The following MMP26 variants were observed in gnomAD, a reference collection of about 807,000 sequenced individuals.
MMP26 encodes the protein matrix metallopeptidase 26, also known as matrix metalloproteinase-26.
Under a neutral mutation model 31.0 loss-of-function variants are expected in MMP26, and 33 were observed. The ratio of observed to expected loss-of-function variants is 1.06; its 90% CI spans 0.81 to 1.42. The LOEUF (loss-of-function observed/expected upper bound fraction) is 1.42. Ranked by LOEUF, MMP26 falls within the 40% of genes most tolerant of loss-of-function variation. MMP26 has a pLI of 0.00. For missense variants in MMP26, 347 were observed against 316.1 expected (o/e 1.10, Z -0.74); for synonymous variants, 122 against 114.9 (o/e 1.06, Z -0.40).
At chr11:4,883,238 T>G (rs201693127) in intron 2 of MMP26, among the ~76,000 whole-genome samples, 30 of 10,556 alleles carry the variant, frequency 2.8e-3, no homozygotes, top group Admixed American at 0.019. Flanking sequence ...AGCTGAACAA[T>G]TTTTTTTTTT....
At chr11:4,862,547 T>C (rs915719405) in intron 2 of MMP26, among the ~76,000 whole-genome samples, 14 of 152,080 alleles carry the variant, frequency 9.2e-5, no homozygotes, top group African/African-American at 3.1e-4. Flanking sequence ...AAGCTTAAAT[T>C]GGGAGTCTGT....
At chr11:4,844,638 A>G (rs756379138) in intron 2 of MMP26, among the ~76,000 whole-genome samples, 13 of 152,218 alleles carry the variant, frequency 8.5e-5, no homozygotes, top group Non-Finnish European at 1.5e-4. Flanking sequence ...GATACATTCT[A>G]TCAACAGAAT....
chr11:4,808,326 T>C (rs536642340), intron 2 of MMP26, among the ~76,000 whole-genome samples: 7 of 152,194 alleles, frequency 4.6e-5, no homozygotes, highest in African/African-American at 1.4e-4. Context: ...TTTGCTGTCC[T>C]ATCATGACAA....
chr11:4,868,490 A>G (rs1241319889), intron 2 of MMP26, among the ~76,000 whole-genome samples: 2 of 152,186 alleles, frequency 1.3e-5, no homozygotes, highest in African/African-American at 4.8e-5. Flanking sequence ...AGAATAAAAT[A>G]CCTAGGAATC....
chr11:4,866,774 A>G (rs1850240704), intron 2 of MMP26, among the ~76,000 whole-genome samples: 1 of 152,158 alleles, frequency 6.6e-6, no homozygotes, highest in Non-Finnish European at 1.5e-5. Context: ...CCCAGAAAGA[A>G]GATTACACAC....
At chr11:4,757,820 G>A (rs1449176805) in intron 1 of MMP26, among the ~76,000 whole-genome samples, 1 of 151,450 alleles carries the variant, frequency 6.6e-6, no homozygotes, top group East Asian at 1.9e-4. Flanking sequence ...AAAAGGGAAA[G>A]GAAAGGAAGG....
At chr11:4,821,555 G>T in intron 2 of MMP26, 1 of 1,612,856 alleles carries the variant, frequency 6.2e-7, no homozygotes, top group South Asian at 1.1e-5. Flanking sequence ...TCTGGAAATA[G>T]CATGATCCTG....
At chr11:4,911,679 A>G (rs1417733667) in intron 2 of MMP26, among the ~76,000 whole-genome samples, 2 of 152,004 alleles carry the variant, frequency 1.3e-5, no homozygotes, top group Non-Finnish European at 2.9e-5. Flanking sequence ...ACTCCATCAT[A>G]TTGTTCACAA....
At chr11:4,830,923 T>C (rs1008813832) in intron 2 of MMP26, among the ~76,000 whole-genome samples, 2 of 152,112 alleles carry the variant, frequency 1.3e-5, no homozygotes, top group African/African-American at 4.8e-5. Context: ...CCAGTAGCAA[T>C]TGCACTGTAA....
chr11:4,852,726 A>G (rs1849992922), intron 2 of MMP26, among the ~76,000 whole-genome samples: 1 of 152,258 alleles, frequency 6.6e-6, no homozygotes, highest in East Asian at 1.9e-4. Flanking sequence ...ATATGTATTC[A>G]ATGGAAAGAA....
intron 2 of MMP26, chr11:4,908,424 A>G: frequency 1.2e-6 from 1 of 852,448 alleles, no homozygotes; most frequent in Non-Finnish European, 1.9e-6. Flanking sequence ...GTGAAAAGCT[A>G]TGTAGTGCAG....
chr11:4,771,969 C>T (rs969223076), intron 2 of MMP26, among the ~76,000 whole-genome samples: 7 of 152,132 alleles, frequency 4.6e-5, no homozygotes, highest in African/African-American at 1.7e-4. Flanking sequence ...TCCCTTCTTA[C>T]CAGCTTTACG....
intron 2 of MMP26, among the ~76,000 whole-genome samples, chr11:4,881,004 A>C (rs1194239805): frequency 6.6e-6 from 1 of 152,110 alleles, no homozygotes; most frequent in Admixed American, 6.6e-5. Context: ...TCTGTATATG[A>C]ATGGGCAGAT....
chr11:4,911,765 CTA>C (rs1269926549), intron 2 of MMP26, among the ~76,000 whole-genome samples: 1 of 152,326 alleles, frequency 6.6e-6, no homozygotes, highest in African/African-American at 2.4e-5. Context: ...CATTACCCCA[CTA>C]TGTTTCCTTC....
intron 1 of MMP26, among the ~76,000 whole-genome samples, chr11:4,729,455 CAG>C (rs1227473307): frequency 6.7e-6 from 1 of 149,800 alleles, no homozygotes. Context: ...CTGCCCCAGA[CAG>C]AGAGGGGCAG....
In MMP26 at chr11:4,785,284, C is replaced by A. The variant is rs140103956; in HGVS notation, c.-145+17943C>A. On this transcript the variant is annotated intron_variant, in intron 2 of 7. Coordinates refer to ENST00000380390, the MANE Select transcript of MMP26 (RefSeq NM_021801.5). ...TAACAAATTAAAAAATGTATTTATCCTCTCTCTTAAGTACTCCATGTCTCA... is the reference window on the plus strand; with the variant it reads ...TAACAAATTAAAAAATGTATTTATCATCTCTCTTAAGTACTCCATGTCTCA... Among the ~76,000 whole-genome samples, 283 of 152,208 alleles carry A rather than the reference C, an allele frequency of 1.9e-3. 1 individual carries two copies. Among genetic ancestry groups the A allele is most frequent in the Non-Finnish European group, 2.9e-3 (198 of 68,006 alleles).
chr11:4,882,808 G>A (rs749722497), intron 2 of MMP26: 2 of 1,613,832 alleles, frequency 1.2e-6, no homozygotes, highest in Non-Finnish European at 1.7e-6. Flanking sequence ...CAATCCGCCA[G>A]GCTATGTTCC....
chr11:4,986,240 T>G (rs1293031249), intron 2 of MMP26, among the ~76,000 whole-genome samples: 1 of 152,206 alleles, frequency 6.6e-6, no homozygotes, highest in Non-Finnish European at 1.5e-5. Flanking sequence ...TATATTTTAA[T>G]CTATACCAAA....
intron 2 of MMP26, among the ~76,000 whole-genome samples, chr11:4,968,440 T>C (rs1295653737): frequency 6.6e-6 from 1 of 151,960 alleles, no homozygotes; most frequent in Admixed American, 6.6e-5. Context: ...ACAAGAAGAT[T>C]TCATTTAGGA....
Sources: allele counts gnomAD v4.1 joint callset (sites outside exome capture counted in the v4.1 genomes callset), GRCh38; gene constraint gnomAD v4.1.1; transcripts MANE v1.5; gene names NCBI Gene and HGNC (gene_info 2026-07-23, HGNC 2026-07-21).